Variants in NPR1 observed in about 807,000 individuals in gnomAD.
The protein encoded by NPR1 is atrial natriuretic peptide receptor 1.
A neutral mutation model predicts 116.9 loss-of-function variants in NPR1; 57 were observed. That is an observed-to-expected ratio of 0.49 (90% confidence interval 0.39 to 0.61). The LOEUF (loss-of-function observed/expected upper bound fraction) is 0.61. Ranked by LOEUF, NPR1 falls within the 20% of genes least tolerant of loss-of-function variation. NPR1 has a pLI of 0.00. For missense variants in NPR1, 1,096 were observed against 1,409.8 expected (o/e 0.78, Z 3.56); for synonymous variants, 555 against 601.6 (o/e 0.92, Z 1.13).
rs547444681 is a variant in NPR1 at position 153,679,870 on chromosome 1, G to A, written c.721+41G>A. 76 of 1,529,978 alleles carry A rather than the reference G, an allele frequency of 5.0e-5. No individual in the cohort carries two copies. The African/African-American group carries it at 1.0e-3, about 20-fold the overall frequency. The allele number at this position is 1,529,978 out of a possible 1,614,324, so 94.8% of individuals were successfully genotyped here. ...ACCCCGTCCCGCCGCTTAGCCGCAG[G>A]GCCTCCCCTCTGACCTGCCGGAGGC... On this transcript the variant is annotated intron_variant, in intron 1 of 21. Transcript: ENST00000368680. The surrounding 1 kb of genome is among the most constrained non-coding windows in gnomAD (Gnocchi z 4.2).
At position 153,678,891 on chromosome 1, in the gene NPR1, C is replaced by A; in HGVS notation, c.-218C>A. 1.8e-6 allele frequency: 1 copy of A among 550,284 alleles called. No individual in the cohort carries two copies. Among genetic ancestry groups the A allele is most frequent in the Non-Finnish European group, 3.0e-6 (1 of 336,574 alleles). 34.1% of individuals were successfully genotyped at this position (550,284 alleles called of 1,614,324 possible). ...GACGTTCTCCTGGCACCCACCTGCT[C>A]CGCGGCGCCCTGCGCGCCCCCCTCG... On this transcript the variant is annotated 5_prime_UTR_variant, in exon 1 of 22. Coordinates refer to ENST00000368680, the MANE Select transcript of NPR1 (RefSeq NM_000906.4). The surrounding 1 kb of genome is among the most constrained non-coding windows in gnomAD (Gnocchi z 5.8).
chr1:153,690,150 C>CAA, intron 19 of NPR1, 134 bp from the exon 20 acceptor site: 1 of 741,984 alleles, frequency 1.3e-6, no homozygotes, highest in Non-Finnish European at 2.3e-6. Flanking sequence ...CTCACACACA[C>CAA]ACACACACAC....
At chr1:153,686,830 G>A in intron 11 of NPR1, 80 bp downstream of exon 11, 1 of 1,385,614 alleles carries the variant, frequency 7.2e-7, no homozygotes, top group African/African-American at 1.4e-5. Context: ...CCCCAGGCAT[G>A]CCTCGCCCTC....
intron 15 of NPR1, among the ~76,000 whole-genome samples, 169 bp downstream of exon 15, chr1:153,688,390 C>A (rs775466073): frequency 1.3e-5 from 2 of 152,308 alleles, no homozygotes; most frequent in Non-Finnish European, 2.9e-5. Context: ...TTCGCAAGTA[C>A]AGCATGACTC....
In NPR1 at chr1:153,687,680, T is replaced by C. The variant is rs373643330; in HGVS notation, c.2139T>C (p.Pro713=). 1.2e-6 allele frequency: 2 copies of C among 1,604,974 alleles called. No homozygotes were observed. Among genetic ancestry groups the C allele is most frequent in the African/African-American group, 1.3e-5 (1 of 74,756 alleles). ...AGCTCCTGCGAATGGCTTCACCCCC[T>C]GTGCGGGGCTCCCAGGCTGGTGACG... ...APELLRMASP[P]VRGSQAGDVY... is the part of the protein sequence containing the mutation. Residue 713 remains proline, a synonymous_variant, in exon 14 of 22, where the codon CCT becomes CCC. Transcript: ENST00000368680.
At chr1:153,682,229 G>A (rs780974816) in intron 4 of NPR1, among the ~76,000 whole-genome samples, 1 of 151,012 alleles carries the variant, frequency 6.6e-6, no homozygotes, top group Non-Finnish European at 1.5e-5. Context: ...CTAATTTTTT[G>A]TATTTTTTTT....
At chr1:153,692,178 A>T (rs147449977) in intron 20 of NPR1, among the ~76,000 whole-genome samples, 13 of 152,308 alleles carry the variant, frequency 8.5e-5, no homozygotes, top group African/African-American at 2.4e-4. Flanking sequence ...TACTTTATGG[A>T]TGTTAAATTT....
chr1:153,679,234 G>A lies in NPR1; in HGVS notation c.126G>A (p.Pro42=), dbSNP rs766117814. Residue 42 remains proline (P), a synonymous_variant, in exon 1 of 22, where the codon CCG becomes CCA. Transcript: ENST00000368680. The surrounding 1 kb of genome is among the most constrained non-coding windows in gnomAD (Gnocchi z 4.2). The part of the protein sequence containing the change: ...AGNLTVAVVL[P]LANTSYPWSW... ...ACCTGACGGTAGCCGTGGTACTGCC[G>A]CTGGCCAATACCTCGTACCCCTGGT... 3.1e-5 allele frequency: 47 copies of A among 1,525,716 alleles called. No homozygotes were observed. In the Admixed American group the frequency reaches 8.8e-4, roughly 29 times the overall value. The allele number at this position is 1,525,716 out of a possible 1,614,324, so 94.5% of individuals were successfully genotyped here. A position where few individuals can be genotyped will look rare whatever the true frequency, so the allele number is the denominator to read the frequency against.
intron 2 of NPR1, chr1:153,680,912 T>C: frequency 1.7e-6 from 1 of 605,930 alleles, no homozygotes; most frequent in Admixed American, 3.0e-5. Flanking sequence ...CAGGGGCGCT[T>C]CGCCACCAGC....
At chr1:153,683,030 A>T (rs758456902) in intron 5 of NPR1, among the ~76,000 whole-genome samples, 2 of 152,272 alleles carry the variant, frequency 1.3e-5, no homozygotes, top group Non-Finnish European at 2.9e-5. Flanking sequence ...GCTAAGGTGA[A>T]CATTACCTTC....
intron 3 of NPR1, 94 bp downstream of exon 3, chr1:153,681,387 C>G: frequency 1.3e-6 from 1 of 752,958 alleles, no homozygotes; most frequent in South Asian, 1.6e-5. Flanking sequence ...CCCAGTTCTC[C>G]CCTTCCTTCC....
Position 153,687,059 on chromosome 1 carries a change from G to A in NPR1, c.1907G>A (p.Arg636Gln), listed in dbSNP as rs1384092198. 1.9e-5 allele frequency: 30 copies of A among 1,613,960 alleles called. No individual in the cohort carries two copies. Among genetic ancestry groups the A allele is most frequent in the African/African-American group, 2.7e-5 (2 of 74,888 alleles). Reference protein sequence around the residue: ...NESITLDWMFRYSLTNDIVKG... With the variant: ...NESITLDWMFQYSLTNDIVKG... Reference sequence around the variant, plus strand: ...AGCATCACCCTGGACTGGATGTTCCGGTACTCACTCACCAATGACATCGTC... The same window carrying A: ...AGCATCACCCTGGACTGGATGTTCCAGTACTCACTCACCAATGACATCGTC... The change falls in exon 12 of 22, where the codon CGG becomes CAG. Residue 636 changes from arginine to glutamine, a missense_variant. By Grantham distance (43) the Arg-to-Gln change is conservative. Transcript: ENST00000368680.
Position 153,688,223 on chromosome 1 carries a change from TC to T in NPR1, c.2417+5del. 1 of 1,612,518 alleles carries T rather than the reference TC, an allele frequency of 6.2e-7. No individual in the cohort carries two copies. The highest frequency in any genetic ancestry group is 1.1e-5 in the South Asian group (1 of 90,968). Reference sequence around the variant, plus strand: ...CCTGACGTTGCGCAAATTTAACAGGTCCCTGGTGTTTGTCATGGATCCCCCA... The same window carrying T: ...CCTGACGTTGCGCAAATTTAACAGGTCCTGGTGTTTGTCATGGATCCCCCA... On this transcript the variant is annotated splice_donor_region_variant and intron_variant, in intron 15 of 21. Coordinates refer to ENST00000368680, the MANE Select transcript of NPR1 (RefSeq NM_000906.4).
rs766714942 is a variant in NPR1, at chr1:153,681,708, A to G, written c.1040A>G (p.Asn347Ser). ...FNFTMEDGLVNTIPASFHDGL... is the reference protein window; with the variant it reads ...FNFTMEDGLVSTIPASFHDGL... ...GACCTCTGTTTGCCCCTACAGGTGA[A>G]CACCATCCCAGCATCCTTCCACGAC... Residue 347 changes from asparagine (N) to serine (S), a missense_variant, in exon 4 of 22, where the codon AAC becomes AGC. Asn to Ser is a conservative substitution (Grantham distance 46, BLOSUM62 1). Transcript: ENST00000368680. 1.2e-6 allele frequency: 2 copies of G among 1,613,806 alleles called. No individual in the cohort carries two copies. The highest frequency in any genetic ancestry group is 1.7e-6 in the Non-Finnish European group (2 of 1,179,882).
At chr1:153,692,492 T>A (rs1392549445) in intron 20 of NPR1, among the ~76,000 whole-genome samples, 1 of 149,290 alleles carries the variant, frequency 6.7e-6, no homozygotes, top group African/African-American at 2.5e-5. Context: ...ATGTGACGGG[T>A]GCAACTGAGG....
chr1:153,687,842 C>T, intron 14 of NPR1, 53 bp downstream of exon 14: 1 of 1,524,886 alleles, frequency 6.6e-7, no homozygotes, highest in South Asian at 1.3e-5. Flanking sequence ...CGAACCCCAG[C>T]CCCAGGGAGA....
At chr1:153,684,008 C>T (rs910813019) in intron 7 of NPR1, among the ~76,000 whole-genome samples, 184 bp downstream of exon 7, 5 of 151,784 alleles carry the variant, frequency 3.3e-5, no homozygotes, top group African/African-American at 7.3e-5. Flanking sequence ...AATGGCAGGG[C>T]GAGGGGAGGA....
At position 153,689,755 on chromosome 1, in the gene NPR1, G is replaced by A. The variant is rs568813855; in HGVS notation, c.2758-51G>A. 25 of 1,471,418 alleles carry A rather than the reference G, an allele frequency of 1.7e-5. No individual in the cohort carries two copies. The East Asian group carries it at 1.7e-4, about 10-fold the overall frequency. The allele number at this position is 1,471,418 out of a possible 1,614,324, so 91.1% of individuals were successfully genotyped here. On this transcript the variant is annotated intron_variant, in intron 18 of 21. Transcript: ENST00000368680. This position sits in a 1 kb window ranked among gnomAD's most constrained non-coding sequence, Gnocchi z 5.1. Reference sequence around the variant, plus strand: ...CTGCACCCGGTGTGACGGTGTGGCCGGCCGCACAGTTGCAGCCGTCAAGTC... The same window carrying A: ...CTGCACCCGGTGTGACGGTGTGGCCAGCCGCACAGTTGCAGCCGTCAAGTC...
chr1:153,682,054 T>C (rs1315324143), intron 4 of NPR1, among the ~76,000 whole-genome samples: 1 of 150,614 alleles, frequency 6.6e-6, no homozygotes, highest in African/African-American at 2.5e-5. Context: ...CCTTTCTTTT[T>C]CTTTTTTCTT....
Sources: gnomAD v4.1 joint callset for allele counts (sites outside exome capture counted in the v4.1 genomes callset) on GRCh38, gnomAD v4.1.1 for gene constraint, Gnocchi (gnomAD v3.1) non-coding constraint, MANE v1.5 for transcripts, NCBI Gene and HGNC (gene_info 2026-07-23, HGNC 2026-07-21) for gene names.